Variants in STXBP5L observed in about 807,000 individuals in gnomAD.
STXBP5L encodes the protein syntaxin-binding protein 5-like.
Under a neutral mutation model 144.5 loss-of-function variants are expected in STXBP5L, and 65 were observed. That is an observed-to-expected ratio of 0.45 (90% CI 0.37 to 0.55). The LOEUF (loss-of-function observed/expected upper bound fraction) is 0.55, where lower values mean the gene tolerates loss of function less well. Ranked by LOEUF, STXBP5L falls within the 20% of genes least tolerant of loss-of-function variation. The pLI, the probability that STXBP5L is intolerant of heterozygous loss-of-function variation, is 0.00. For missense variants in STXBP5L, 1,298 were observed against 1,405.5 expected (o/e 0.92, Z 1.22); for synonymous variants, 505 against 469.6 (o/e 1.08, Z -0.97).
chr3:120,920,093 G>A (rs1280415463), intron 2 of STXBP5L, among the ~76,000 whole-genome samples: 2 of 151,434 alleles, frequency 1.3e-5, no homozygotes, highest in Admixed American at 1.3e-4. Flanking sequence ...ATTTCTTTTG[G>A]TACAATTTCA....
chr3:121,302,581 G>C (rs1243379725), intron 19 of STXBP5L, among the ~76,000 whole-genome samples: 1 of 152,040 alleles, frequency 6.6e-6, no homozygotes, highest in African/African-American at 2.4e-5. Context: ...CTTGCCTTCT[G>C]CTAGCTTTTG....
chr3:120,911,996 T>C (rs1708865034), intron 2 of STXBP5L, among the ~76,000 whole-genome samples: 1 of 151,966 alleles, frequency 6.6e-6, no homozygotes, highest in African/African-American at 2.4e-5. Flanking sequence ...CTTCTACCTT[T>C]TCAACATGGG....
At chr3:121,399,224 C>T (rs1190598179) in intron 22 of STXBP5L, among the ~76,000 whole-genome samples, 1 of 152,080 alleles carries the variant, frequency 6.6e-6, no homozygotes, top group East Asian at 1.9e-4. Flanking sequence ...CCATTGTTAC[C>T]CTGATGCTTC....
chr3:121,073,845 GC>G (rs1315681430), intron 5 of STXBP5L, among the ~76,000 whole-genome samples: 1 of 152,206 alleles, frequency 6.6e-6, no homozygotes, highest in Non-Finnish European at 1.5e-5. Flanking sequence ...GTAGAGGAAT[GC>G]CACACATGTT....
At chr3:121,272,113 A>G (rs982873346) in intron 18 of STXBP5L, among the ~76,000 whole-genome samples, 8 of 152,164 alleles carry the variant, frequency 5.3e-5, no homozygotes, top group Non-Finnish European at 1.2e-4. Flanking sequence ...GTTGAATGGA[A>G]TATTCTGTAT....
At chr3:121,297,339 AAAG>A (rs376646137) in intron 19 of STXBP5L, among the ~76,000 whole-genome samples, 37 of 152,176 alleles carry the variant, frequency 2.4e-4, no homozygotes, top group African/African-American at 8.9e-4. Flanking sequence ...GAAAACATGC[AAAG>A]AAGCAGAAAA....
intron 20 of STXBP5L, chr3:121,356,921 A>C (rs1329713234): frequency 3.9e-5 from 6 of 155,530 alleles, no homozygotes; most frequent in African/African-American, 1.4e-4. Context: ...GTCAGTCTTC[A>C]AATTCTCCAG....
chr3:121,032,157 G>A (rs1946414885), intron 3 of STXBP5L, among the ~76,000 whole-genome samples: 1 of 151,576 alleles, frequency 6.6e-6, no homozygotes, highest in Non-Finnish European at 1.5e-5. Context: ...GAGTGAGTAA[G>A]GTATGAAAAG....
intron 22 of STXBP5L, among the ~76,000 whole-genome samples, chr3:121,399,973 G>A (rs1281133077): frequency 6.6e-6 from 1 of 152,232 alleles, no homozygotes; most frequent in Non-Finnish European, 1.5e-5. Flanking sequence ...GTAGGTCTGA[G>A]GGAGGGTCTG....
chr3:121,403,664 T>C (rs1392010792), intron 22 of STXBP5L, among the ~76,000 whole-genome samples: 1 of 152,136 alleles, frequency 6.6e-6, no homozygotes, highest in African/African-American at 2.4e-5. Flanking sequence ...GTGTGATAAA[T>C]AAGTAATTAT....
At chr3:121,025,825 A>T (rs940035816) in intron 3 of STXBP5L, among the ~76,000 whole-genome samples, 1 of 149,320 alleles carries the variant, frequency 6.7e-6, no homozygotes, top group Non-Finnish European at 1.5e-5. Context: ...CCTCTAGAGC[A>T]TTACTTATAT....
At position 121,121,655 on chromosome 3, in the gene STXBP5L, A is replaced by T; in HGVS notation, c.620A>T (p.His207Leu). 6.2e-7 allele frequency: 1 copy of T among 1,605,542 alleles called. No homozygotes were observed. Among genetic ancestry groups the T allele is most frequent in the South Asian group, 1.1e-5 (1 of 90,374 alleles). ...NKAIELSTKT[H>L]PGPVVHLSDS... ...TGATTTAACAGATCCACTAAGACTC[A>T]TCCAGGTCCAGTTGTACATTTAAGC... The change falls in exon 7 of 27, where the codon CAT becomes CTT. Residue 207 changes from histidine to leucine, a missense_variant. Physicochemically the swap from His to Leu is moderately conservative, Grantham distance 99. Coordinates refer to ENST00000471454, the MANE Select transcript of STXBP5L (RefSeq NM_001308330.2).
intron 3 of STXBP5L, among the ~76,000 whole-genome samples, chr3:121,040,429 G>A (rs1432993317): frequency 6.6e-6 from 1 of 152,022 alleles, no homozygotes; most frequent in Non-Finnish European, 1.5e-5. Context: ...AAAAATTCTT[G>A]CCTCAACATA....
At chr3:121,115,382 T>A (rs972493137) in intron 6 of STXBP5L, among the ~76,000 whole-genome samples, 4 of 152,156 alleles carry the variant, frequency 2.6e-5, no homozygotes, top group African/African-American at 9.7e-5. Context: ...TGAGAATGAA[T>A]TGTGTTATGT....
chr3:121,172,004 A>C (rs1279082764), intron 9 of STXBP5L, among the ~76,000 whole-genome samples: 1 of 152,204 alleles, frequency 6.6e-6, no homozygotes, highest in Non-Finnish European at 1.5e-5. Flanking sequence ...CAAAACTGAT[A>C]TATAGACCAA....
chr3:121,058,767 A>G (rs1300175953), intron 5 of STXBP5L, among the ~76,000 whole-genome samples: 1 of 152,190 alleles, frequency 6.6e-6, no homozygotes, highest in Non-Finnish European at 1.5e-5. Flanking sequence ...GGCTACATAA[A>G]TGTCTTCTTT....
chr3:121,112,857 A>T (rs2044055726), intron 5 of STXBP5L, among the ~76,000 whole-genome samples: 1 of 152,236 alleles, frequency 6.6e-6, no homozygotes, highest in Non-Finnish European at 1.5e-5. Flanking sequence ...TAAGTTGTAT[A>T]AAGGTATTGA....
Position 121,054,056 on chromosome 3 carries a change from C to A in STXBP5L, c.470+8521C>A, listed in dbSNP as rs546216606. On this transcript the variant is annotated intron_variant, in intron 5 of 26. Transcript: ENST00000471454. ...CCACAATGAGATACCATCTCACACC[C>A]GTTAGAATGGCAATCATTAAAAAGT... 2.4e-4 allele frequency among the ~76,000 whole-genome samples: 36 copies of A among 152,090 alleles called. No homozygotes were observed. In the East Asian group the frequency reaches 4.6e-3, roughly 20 times the overall value.
At chr3:121,199,561 G>A (rs1444654318) in intron 9 of STXBP5L, among the ~76,000 whole-genome samples, 1 of 152,142 alleles carries the variant, frequency 6.6e-6, no homozygotes, top group South Asian at 2.1e-4. Context: ...TCTTGTGCCA[G>A]TTTTCAAAGG....
Sources: allele counts gnomAD v4.1 joint callset (sites outside exome capture counted in the v4.1 genomes callset), GRCh38; gene constraint gnomAD v4.1.1; transcripts MANE v1.5; gene names NCBI Gene and HGNC (gene_info 2026-07-23, HGNC 2026-07-21).